KCNH1: variants seen among roughly 807,000 people sequenced by gnomAD.
KCNH1 encodes voltage-gated delayed rectifier potassium channel KCNH1.
Under a neutral mutation model 69.2 loss-of-function variants are expected in KCNH1, and 27 were observed. That is an observed-to-expected ratio of 0.39 (90% confidence interval 0.29 to 0.54). The LOEUF is 0.54. KCNH1 is among the 20% of genes least tolerant of loss of function. The pLI is 0.68. For missense variants in KCNH1, 798 were observed against 1,261.6 expected (o/e 0.63, Z 5.57); for synonymous variants, 456 against 487.7 (o/e 0.93, Z 0.86).
At chr1:210,988,800 T>C (rs1688891663) in intron 6 of KCNH1, among the ~76,000 whole-genome samples, 1 of 152,200 alleles carries the variant, frequency 6.6e-6, no homozygotes, top group Non-Finnish European at 1.5e-5. Flanking sequence ...AGATTCTCTC[T>C]AGAAGAAAAA....
chr1:210,951,421 A>T (rs1486430397), intron 6 of KCNH1, among the ~76,000 whole-genome samples: 1 of 152,168 alleles, frequency 6.6e-6, no homozygotes, highest in African/African-American at 2.4e-5. Context: ...GAGCATTTGA[A>T]CCTGCTGTGC....
At chr1:210,930,429 T>C (rs1467217820) in intron 6 of KCNH1, among the ~76,000 whole-genome samples, 6 of 151,782 alleles carry the variant, frequency 4.0e-5, no homozygotes, top group Non-Finnish European at 8.8e-5. Flanking sequence ...AAAAATAAAG[T>C]GGGGAAAAGA....
In KCNH1 at chr1:211,001,735, T is replaced by C. The variant is rs182494708; in HGVS notation, c.1032+17048A>G. On this transcript the variant is annotated intron_variant, in intron 6 of 10. Coordinates refer to ENST00000271751, the MANE Select transcript of KCNH1 (RefSeq NM_172362.3). ...TACACGTATGTTTATTGCGGCGCTA[T>C]TCACAATAGCAAAGACTTGGAACCA... is the stretch of plus-strand genomic sequence containing the variant. 4.6e-5 allele frequency among the ~76,000 whole-genome samples: 7 copies of C among 152,268 alleles called. No individual in the cohort carries two copies. In the East Asian group the frequency reaches 1.2e-3, roughly 25 times the overall value.
rs113996028 is a variant in KCNH1, at chr1:210,817,653, G to A, written c.1463-13487C>T. ...TGCTAGATACTGTCCTAATGCTTAC[G>A]TATACTGACTCATTTAAATCTCTTA... On this transcript the variant is annotated intron_variant, in intron 7 of 10. Transcript: ENST00000271751. Among the ~76,000 whole-genome samples the A allele has an allele frequency of 3.0e-3, 459 of 152,186 alleles. 3 individuals are homozygous for A. The highest frequency in any genetic ancestry group is 0.01 in the African/African-American group (431 of 41,534).
At chr1:211,080,002 TA>T (rs1690820782) in intron 5 of KCNH1, among the ~76,000 whole-genome samples, 2 of 151,990 alleles carry the variant, frequency 1.3e-5, no homozygotes, top group Non-Finnish European at 2.9e-5. Flanking sequence ...AAAAGGTATT[TA>T]ATTAGGAAAA....
intron 7 of KCNH1, among the ~76,000 whole-genome samples, chr1:210,838,973 A>T (rs1685348450): frequency 6.6e-6 from 1 of 152,232 alleles, no homozygotes; most frequent in East Asian, 1.9e-4. Flanking sequence ...AGTGTAAATT[A>T]GTTCAACCAT....
chr1:210,981,603 G>A (rs1688711633), intron 6 of KCNH1, among the ~76,000 whole-genome samples: 1 of 151,902 alleles, frequency 6.6e-6, no homozygotes, highest in African/African-American at 2.4e-5. Flanking sequence ...ATCTCAATAA[G>A]GAATGACATA....
chr1:210,808,581 C>T (rs1166066106), intron 7 of KCNH1, among the ~76,000 whole-genome samples: 4 of 151,722 alleles, frequency 2.6e-5, no homozygotes, highest in East Asian at 1.9e-4. Flanking sequence ...AATAAAATAG[C>T]GACATGTTCT....
chr1:210,688,535 A>T (rs1681456463), intron 10 of KCNH1, among the ~76,000 whole-genome samples: 1 of 152,236 alleles, frequency 6.6e-6, no homozygotes, highest in South Asian at 2.1e-4. Flanking sequence ...AAGAGATCAC[A>T]GGTAACTTCT....
chr1:210,698,052 G>T (rs767051776), intron 10 of KCNH1, among the ~76,000 whole-genome samples: 3 of 152,196 alleles, frequency 2.0e-5, no homozygotes, highest in Non-Finnish European at 4.4e-5. Flanking sequence ...AATGGCAAAA[G>T]TTAGTCCTGA....
chr1:210,697,539 A>G (rs1010113444), intron 10 of KCNH1, among the ~76,000 whole-genome samples: 3 of 152,264 alleles, frequency 2.0e-5, no homozygotes, highest in Admixed American at 6.5e-5. Flanking sequence ...ATCCCAGATC[A>G]TGCACTGAGG....
chr1:211,067,867 G>A (rs79929853), intron 5 of KCNH1, among the ~76,000 whole-genome samples: 2,466 of 152,270 alleles, frequency 0.016, 62 homozygotes, highest in African/African-American at 0.055. Context: ...AGGTGACCTC[G>A]AACAAGTCAG....
chr1:211,039,446 C>T (rs535019878), intron 5 of KCNH1, among the ~76,000 whole-genome samples: 37 of 152,224 alleles, frequency 2.4e-4, no homozygotes, highest in African/African-American at 8.9e-4. Context: ...GAGAAGAGGG[C>T]CACCATCCTC....
At chr1:210,952,893 C>T (rs34827659) in intron 6 of KCNH1, among the ~76,000 whole-genome samples, 53,181 of 152,016 alleles carry the variant, frequency 0.35, 9,648 homozygotes, top group Non-Finnish European at 0.38. Context: ...CAACCATATG[C>T]AGTAGCTTCA....
intron 7 of KCNH1, among the ~76,000 whole-genome samples, chr1:210,884,734 G>C (rs1230377283): frequency 6.6e-6 from 1 of 152,192 alleles, no homozygotes; most frequent in African/African-American, 2.4e-5. Context: ...AGCCGTGCTG[G>C]AAGAGCTGCT....
intron 4 of KCNH1, among the ~76,000 whole-genome samples, chr1:211,086,750 G>A (rs1380895713): frequency 3.3e-5 from 5 of 152,130 alleles, no homozygotes; most frequent in Admixed American, 3.3e-4. Context: ...GTGTTGGGAT[G>A]AGTTAGAATT....
At chr1:210,804,938 C>T (rs1489981779) in intron 7 of KCNH1, among the ~76,000 whole-genome samples, 2 of 152,276 alleles carry the variant, frequency 1.3e-5, no homozygotes, top group East Asian at 3.9e-4. Context: ...GCTCCCCCTA[C>T]ATTTGCATTA....
intron 9 of KCNH1, among the ~76,000 whole-genome samples, chr1:210,787,824 A>G (rs919095865): frequency 6.6e-6 from 1 of 152,256 alleles, no homozygotes; most frequent in African/African-American, 2.4e-5. Context: ...ACTCTGTGAC[A>G]TAAATCTGTC....
At position 210,680,361 on chromosome 1, in the gene KCNH1, CA is replaced by C. The variant is rs56001969; in HGVS notation, c.*2919del. ...CAGCACTTACTAGATAATGGTGCCACATATCATGCCCCGACTCCTCAAAGAG... is the reference window on the plus strand; with the variant it reads ...CAGCACTTACTAGATAATGGTGCCACTATCATGCCCCGACTCCTCAAAGAG... On this transcript the variant is annotated 3_prime_UTR_variant, in exon 11 of 11. Coordinates refer to ENST00000271751, the MANE Select transcript of KCNH1 (RefSeq NM_172362.3). 52,162 of 151,944 alleles carry C rather than the reference CA, an allele frequency of 0.34. 10,359 individuals carry two copies. The highest frequency in any genetic ancestry group is 0.52 in the South Asian group (2,509 of 4,820). 9.4% of individuals were successfully genotyped at this position (151,944 alleles called of 1,614,324 possible).
Sources: allele counts gnomAD v4.1 joint callset (sites outside exome capture counted in the v4.1 genomes callset), GRCh38; gene constraint gnomAD v4.1.1; transcripts MANE v1.5; gene names NCBI Gene and HGNC (gene_info 2026-07-23, HGNC 2026-07-21).